UBE4A: variants seen among roughly 807,000 people sequenced by gnomAD.
The protein encoded by UBE4A is ubiquitin conjugation factor E4 A.
UBE4A carries 48 observed loss-of-function variants against 117.9 expected under a neutral mutation model. That is an observed-to-expected ratio of 0.41 (90% CI 0.32 to 0.52). The LOEUF (loss-of-function observed/expected upper bound fraction) is 0.52. Among genes scored for constraint, UBE4A ranks in the 20% least tolerant of loss-of-function variants. The probability of loss-of-function intolerance (pLI) is 0.33; values close to 1 mark genes in which losing one functional copy is unlikely to be tolerated. For synonymous variants in UBE4A, 407 were observed against 450.0 expected (o/e 0.90, Z 1.21); for missense variants, 1,067 against 1,296.3 (o/e 0.82, Z 2.72).
intron 12 of UBE4A, among the ~76,000 whole-genome samples, 168 bp downstream of exon 12, chr11:118,381,691 T>C (rs1948706865): frequency 6.6e-6 from 1 of 152,196 alleles, no homozygotes; most frequent in Admixed American, 6.5e-5. Flanking sequence ...AATCCCACTG[T>C]TGAGAGGTAT....
chr11:118,370,092 A>G (rs76401177), intron 4 of UBE4A, among the ~76,000 whole-genome samples: 2 of 88,658 alleles, frequency 2.3e-5, no homozygotes, highest in Non-Finnish European at 2.4e-5. Context: ...ACTCCGTCTC[A>G]AAAAAAAAAA....
chr11:118,380,553 G>C (rs1429168110), intron 11 of UBE4A, among the ~76,000 whole-genome samples: 2 of 152,090 alleles, frequency 1.3e-5, no homozygotes, highest in South Asian at 2.1e-4. Context: ...CTGTACTCCA[G>C]CCTGGGTGAC....
rs1416334726 is a variant in UBE4A at position 118,381,457 on chromosome 11, A to C, written c.1943A>C (p.Glu648Ala). ...CGCCGCTTTGCCGATGACATTTTGG[A>C]GACATCAGCAGATTCCCTGGAGCAT... ...FLRRFADDIL[E>A]TSADSLEHVL... Residue 648 changes from glutamate (E) to alanine (A), a missense_variant, in exon 12 of 20, where the codon GAG becomes GCG. This residue lies in a region of UBE4A where 1,001 missense variants were observed against 1,184.0 expected (regional missense o/e 0.85). Coordinates refer to ENST00000252108, the MANE Select transcript of UBE4A (RefSeq NM_001204077.2). 1 of 1,614,140 alleles carries C rather than the reference A, an allele frequency of 6.2e-7. No individual in the cohort carries two copies. The highest frequency in any genetic ancestry group is 8.5e-7 in the Non-Finnish European group (1 of 1,179,998).
At position 118,398,092 on chromosome 11, in the gene UBE4A, AC is replaced by A. The variant is rs1362836025; in HGVS notation, c.*1653del. ...TCCTCCTTTCCCTCTCTGAGAATGA[AC>A]TATGTATAAAATAAGCTTCTGCCTA... On this transcript the variant is annotated 3_prime_UTR_variant, in exon 20 of 20. Transcript: ENST00000252108. The A allele has an allele frequency of 1.3e-5, 2 of 152,558 alleles. No homozygotes were observed. The highest frequency in any genetic ancestry group is 2.9e-5 in the Non-Finnish European group (2 of 68,034). 9.5% of individuals were successfully genotyped at this position (152,558 alleles called of 1,614,324 possible).
intron 18 of UBE4A, among the ~76,000 whole-genome samples, chr11:118,391,404 G>A (rs1166292408): frequency 6.6e-6 from 1 of 151,308 alleles, no homozygotes; most frequent in Non-Finnish European, 1.5e-5. Flanking sequence ...CAGGAGAATC[G>A]CTTGAACCTG....
chr11:118,377,719 C>T (rs1555125611), intron 10 of UBE4A, among the ~76,000 whole-genome samples: 1 of 148,282 alleles, frequency 6.7e-6, no homozygotes. Flanking sequence ...TTGAGACCAG[C>T]CTGGGCAACA....
intron 16 of UBE4A, among the ~76,000 whole-genome samples, chr11:118,387,574 A>G (rs1042555833): frequency 4.6e-5 from 7 of 152,182 alleles, no homozygotes; most frequent in Non-Finnish European, 4.4e-5. Context: ...AATCCCCAAG[A>G]CTCAAAGACA....
At chr11:118,396,093 C>CAAAA (rs377030115) in intron 19 of UBE4A, among the ~76,000 whole-genome samples, 3 of 80,658 alleles carry the variant, frequency 3.7e-5, no homozygotes, top group South Asian at 3.8e-4. Context: ...AGACTGTCTC[C>CAAAA]AAAAAAAAAA....
At chr11:118,373,358 G>A in intron 7 of UBE4A, 70 bp downstream of exon 7, 1 of 1,568,582 alleles carries the variant, frequency 6.4e-7, no homozygotes, top group Non-Finnish European at 8.7e-7. Context: ...CTATCCTGAA[G>A]ACACTATAAT....
intron 6 of UBE4A, 109 bp from the exon 7 acceptor site, chr11:118,372,977 C>A (rs1365780702): frequency 1.8e-6 from 2 of 1,101,944 alleles, no homozygotes; most frequent in East Asian, 2.6e-5. Flanking sequence ...AAACAAGACC[C>A]CCAGCTCTAA....
At chr11:118,370,393 A>G (rs1012107811) in intron 4 of UBE4A, among the ~76,000 whole-genome samples, 6 of 152,182 alleles carry the variant, frequency 3.9e-5, no homozygotes, top group Non-Finnish European at 7.4e-5. Flanking sequence ...TGGGAGGCCA[A>G]GTTGGGAGGA....
At chr11:118,369,646 CTTTTTTT>C (rs758717041) in intron 4 of UBE4A, 111 bp downstream of exon 4, 29 of 491,914 alleles carry the variant, frequency 5.9e-5, no homozygotes, top group Non-Finnish European at 7.5e-5. Flanking sequence ...ATCCCTCTCT[CTTTTTTT>C]TTTTTTTTTT....
In UBE4A at chr11:118,373,209, A is replaced by T. The variant is rs769606917; in HGVS notation, c.845A>T (p.Asp282Val). 1.9e-6 allele frequency: 3 copies of T among 1,613,984 alleles called. No individual in the cohort carries two copies. The highest frequency in any genetic ancestry group is 2.5e-6 in the Non-Finnish European group (3 of 1,180,018). ...VFDILLGRIKDLELCQILLYA... is the reference protein window; with the variant it reads ...VFDILLGRIKVLELCQILLYA... Reference sequence around the variant, plus strand: ...GATATTTTATTGGGCCGAATAAAAGATCTAGAGCTCTGTCAGATCCTTTTG... The same window carrying T: ...GATATTTTATTGGGCCGAATAAAAGTTCTAGAGCTCTGTCAGATCCTTTTG... Residue 282 changes from aspartate to valine, a missense_variant, in exon 7 of 20, where the codon GAT becomes GTT. Transcript: ENST00000252108.
intron 16 of UBE4A, 22 bp downstream of exon 16, chr11:118,386,634 T>TC (rs1405860876): frequency 1.3e-5 from 20 of 1,497,778 alleles, no homozygotes; most frequent in Non-Finnish European, 1.7e-5. Context: ...AAGTACTGCT[T>TC]CCCCCCAAAA....
chr11:118,376,328 C>A (rs1284882895), intron 9 of UBE4A, among the ~76,000 whole-genome samples: 1 of 152,170 alleles, frequency 6.6e-6, no homozygotes, highest in Non-Finnish European at 1.5e-5. Flanking sequence ...TACAAATGAT[C>A]TATTGCCTAT....
intron 2 of UBE4A, among the ~76,000 whole-genome samples, chr11:118,368,376 T>C (rs1215736743): frequency 2.6e-5 from 4 of 152,214 alleles, no homozygotes; most frequent in African/African-American, 9.7e-5. Flanking sequence ...AAGATAACTT[T>C]GCTATTTCTG....
At chr11:118,371,328 TTATA>T (rs1249434727) in intron 4 of UBE4A, among the ~76,000 whole-genome samples, 182 bp from the exon 5 acceptor site, 1 of 152,144 alleles carries the variant, frequency 6.6e-6, no homozygotes, top group Non-Finnish European at 1.5e-5. Flanking sequence ...TAGGATAACT[TTATA>T]TATGCCATAA....
chr11:118,361,008 A>ATTT (rs71301652), intron 1 of UBE4A, among the ~76,000 whole-genome samples: 73 of 104,892 alleles, frequency 7.0e-4, no homozygotes, highest in East Asian at 4.2e-3. Flanking sequence ...GTGTGTGTGT[A>ATTT]TTTTTTTTTT....
Position 118,379,478 on chromosome 11 carries a change from A to T in UBE4A, c.1604A>T (p.Asn535Ile). Residue 535 changes from asparagine to isoleucine, a missense_variant, in exon 11 of 20, where the codon AAT becomes ATT. Coordinates refer to ENST00000252108, the MANE Select transcript of UBE4A (RefSeq NM_001204077.2). ...LHDQMVKINQ[N>I]LHRLQVAWRD... ...GATCAGATGGTAAAAATCAACCAAA[A>T]TCTGCATCGGCTGCAGGTTGCCTGG... The T allele has an allele frequency of 6.2e-7, 1 of 1,613,916 alleles. No homozygotes were observed. Among genetic ancestry groups the T allele is most frequent in the Non-Finnish European group, 8.5e-7 (1 of 1,179,846 alleles).
Sources: allele counts gnomAD v4.1 joint callset (sites outside exome capture counted in the v4.1 genomes callset), GRCh38; gene constraint gnomAD v4.1.1; regional missense constraint gnomAD v4.1.1; transcripts MANE v1.5; gene names NCBI Gene and HGNC (gene_info 2026-07-23, HGNC 2026-07-21).